The following ZNF257 variants were observed in gnomAD, a reference collection of about 807,000 sequenced individuals.
ZNF257 encodes the protein zinc finger protein 257, also known as bone marrow zinc finger 4.
ZNF257 carries 12 observed loss-of-function variants against 11.9 expected under a neutral mutation model. The observed-to-expected ratio is 1.01, with a 90% CI of 0.65 to 1.63. The LOEUF is 1.63. Among genes scored for constraint, ZNF257 ranks in the 40% most tolerant of loss-of-function variants. The probability of loss-of-function intolerance (pLI) is 0.00; values close to 1 mark genes in which losing one functional copy is unlikely to be tolerated. For missense variants in ZNF257, 580 were observed against 665.5 expected (o/e 0.87, Z 1.41); for synonymous variants, 183 against 222.7 (o/e 0.82, Z 1.59).
At chr19:22,056,042 G>A (rs1320399341) in intron 1 of ZNF257, among the ~76,000 whole-genome samples, 2 of 83,142 alleles carry the variant, frequency 2.4e-5, no homozygotes, top group Non-Finnish European at 4.2e-5. Context: ...GCGACAGAGC[G>A]AGACTCCGTC....
At position 22,065,053 on chromosome 19, in the gene ZNF257, C is replaced by CAA. The variant is rs370857838; in HGVS notation, c.4-7743_4-7742dup. Among the ~76,000 whole-genome samples, 737 of 113,760 alleles carry CAA rather than the reference C, an allele frequency of 6.5e-3. 2 individuals carry two copies. Among genetic ancestry groups the CAA allele is most frequent in the African/African-American group, 0.019 (674 of 34,588 alleles). The allele number at this position is 113,760 out of a possible 152,430, so 74.6% of individuals were successfully genotyped here. A position where few individuals can be genotyped will look rare whatever the true frequency, so the allele number is the denominator to read the frequency against. On this transcript the variant is annotated intron_variant, in intron 1 of 3. Coordinates refer to ENST00000594947, the MANE Select transcript of ZNF257 (RefSeq NM_033468.4). ...TGGGCGAAAGAACGAGACTCCGCCTCAAAAAAAAAAAAAAGTATTTTCTAC... is the reference window on the plus strand; with the variant it reads ...TGGGCGAAAGAACGAGACTCCGCCTCAAAAAAAAAAAAAAAAGTATTTTCTAC...
chr19:22,068,360 G>A (rs542593029), intron 1 of ZNF257, among the ~76,000 whole-genome samples: 1 of 152,116 alleles, frequency 6.6e-6, no homozygotes, highest in South Asian at 2.1e-4. Context: ...CAGCCTCTAG[G>A]AGAACATCTC....
rs201240104 is a variant in ZNF257, at chr19:22,055,479, T to TA, written c.3+2845dup. Among the ~76,000 whole-genome samples, 382 of 152,200 alleles carry TA rather than the reference T, an allele frequency of 2.5e-3. 1 individual carries two copies. The highest frequency in any genetic ancestry group is 8.9e-3 in the African/African-American group (369 of 41,532). ...CCTCGGACTCCCAAAGTGCTGGAATTACAGGCGTGAGCCACCGTGCCTGGC... is the reference window on the plus strand; with the variant it reads ...CCTCGGACTCCCAAAGTGCTGGAATTAACAGGCGTGAGCCACCGTGCCTGGC... On this transcript the variant is annotated intron_variant, in intron 1 of 3. Transcript: ENST00000594947.
intron 1 of ZNF257, among the ~76,000 whole-genome samples, chr19:22,054,914 C>CTT (rs58547883): frequency 5.9e-4 from 65 of 110,596 alleles, no homozygotes; most frequent in African/African-American, 1.1e-3. Flanking sequence ...GCTACTGGGT[C>CTT]TTTTTTTTTT....
chr19:22,062,297 T>C lies in ZNF257; in HGVS notation c.3+9662T>C, dbSNP rs560689332. On this transcript the variant is annotated intron_variant, in intron 1 of 3. Coordinates refer to ENST00000594947, the MANE Select transcript of ZNF257 (RefSeq NM_033468.4). ...CTGGAGTGCAGTGGCGAATTTTTTTTGTATTTTTCGTAGAGACGGGGTTTC... is the reference window on the plus strand; with the variant it reads ...CTGGAGTGCAGTGGCGAATTTTTTTCGTATTTTTCGTAGAGACGGGGTTTC... 2.6e-5 allele frequency among the ~76,000 whole-genome samples: 4 copies of C among 151,314 alleles called. No individual in the cohort carries two copies. In the East Asian group the frequency reaches 7.8e-4, roughly 29 times the overall value.
chr19:22,078,081 A>T lies in ZNF257; in HGVS notation c.226+4517A>T, dbSNP rs537708448. Among the ~76,000 whole-genome samples, 774 of 151,538 alleles carry T rather than the reference A, an allele frequency of 5.1e-3. 16 individuals are homozygous for T. The highest frequency in any genetic ancestry group is 0.017 in the African/African-American group (708 of 41,300). ...GGTGAAACCCCGTCTCTACTAAAAA[A>T]AAAAAAATTAGCTGGGCGTGGTGGC... is the stretch of plus-strand genomic sequence containing the variant. On this transcript the variant is annotated intron_variant, in intron 3 of 3. Transcript: ENST00000594947.
chr19:22,072,591 C>T (rs1405397331), intron 1 of ZNF257, among the ~76,000 whole-genome samples: 1 of 152,082 alleles, frequency 6.6e-6, no homozygotes, highest in Non-Finnish European at 1.5e-5. Flanking sequence ...TCTGCCCTGG[C>T]TGCTTGGTAA....
intron 3 of ZNF257, 125 bp from the exon 4 acceptor site, chr19:22,087,852 G>C: frequency 1.1e-6 from 1 of 893,048 alleles, no homozygotes; most frequent in Non-Finnish European, 1.5e-6. Flanking sequence ...GAATAAATTA[G>C]AGCCTGTGGT....
chr19:22,087,934 G>T (rs2022512186), intron 3 of ZNF257, 43 bp from the exon 4 acceptor site: 1 of 1,439,892 alleles, frequency 6.9e-7, no homozygotes, highest in African/African-American at 1.4e-5. Context: ...ATATTTACCT[G>T]AGTCTAGTAA....
Position 22,073,569 on chromosome 19 carries a change from G to A in ZNF257, c.226+5G>A. 1 of 1,609,466 alleles carries A rather than the reference G, an allele frequency of 6.2e-7. No individual in the cohort carries two copies. The highest frequency in any genetic ancestry group is 8.5e-7 in the Non-Finnish European group (1 of 1,177,996). ...AGATGGTAGCCAAACCCCCAGGTAG[G>A]TGAGAGTGAAAGCCAGTACAACAGG... On this transcript the variant is annotated splice_donor_5th_base_variant and intron_variant, in intron 3 of 3. Coordinates refer to ENST00000594947, the MANE Select transcript of ZNF257 (RefSeq NM_033468.4).
intron 1 of ZNF257, among the ~76,000 whole-genome samples, chr19:22,055,511 AC>A (rs558780527): frequency 1.8e-4 from 28 of 152,202 alleles, no homozygotes; most frequent in Non-Finnish European, 3.7e-4. Context: ...TGGCCAAAAA[AC>A]AGTATTTCAA....
At chr19:22,078,668 C>T (rs10426142) in intron 3 of ZNF257, among the ~76,000 whole-genome samples, 8,361 of 151,690 alleles carry the variant, frequency 0.055, 817 homozygotes, top group African/African-American at 0.19. Context: ...TGTTTTTCTT[C>T]TATATTTCTA....
chr19:22,068,211 A>C (rs1278659337), intron 1 of ZNF257, among the ~76,000 whole-genome samples: 1 of 150,684 alleles, frequency 6.6e-6, no homozygotes, highest in Admixed American at 6.6e-5. Context: ...CTGATTATCA[A>C]AGTGTAGATT....
chr19:22,063,532 G>A (rs1028736652), intron 1 of ZNF257, among the ~76,000 whole-genome samples: 1 of 152,154 alleles, frequency 6.6e-6, no homozygotes, highest in Non-Finnish European at 1.5e-5. Context: ...TAGCTGTGTT[G>A]CAGCAATTCT....
intron 1 of ZNF257, among the ~76,000 whole-genome samples, chr19:22,057,778 G>A (rs2021683350): frequency 6.6e-6 from 1 of 152,300 alleles, no homozygotes; most frequent in South Asian, 2.1e-4. Flanking sequence ...GAGATCTTTT[G>A]AGATGGAGTC....
intron 3 of ZNF257, among the ~76,000 whole-genome samples, chr19:22,076,344 TCTTG>T (rs2022222981): frequency 1.3e-5 from 2 of 151,336 alleles, no homozygotes; most frequent in East Asian, 1.9e-4. Flanking sequence ...TAAGGCTATT[TCTTG>T]CTTCTAAAGT....
In ZNF257 at chr19:22,073,490, A is replaced by G; in HGVS notation, c.152A>G (p.Asp51Gly). Residue 51 changes from aspartate to glycine, a missense_variant, in exon 3 of 4, where the codon GAC becomes GGC. Coordinates refer to ENST00000594947, the MANE Select transcript of ZNF257 (RefSeq NM_033468.4). ...VFLGIAVSKP[D>G]LITCLEQGKE... Reference sequence around the variant, plus strand: ...ACAGGTATTGCTGTCTCTAAGCCAGACCTGATCACCTGTCTGGAGCAAGGA... The same window carrying G: ...ACAGGTATTGCTGTCTCTAAGCCAGGCCTGATCACCTGTCTGGAGCAAGGA... The G allele has an allele frequency of 6.2e-7, 1 of 1,611,598 alleles. No individual in the cohort carries two copies. Among genetic ancestry groups the G allele is most frequent in the Admixed American group, 1.7e-5 (1 of 59,556 alleles).
intron 1 of ZNF257, among the ~76,000 whole-genome samples, chr19:22,072,106 C>G (rs1454199868): frequency 1.3e-5 from 2 of 152,124 alleles, no homozygotes; most frequent in Non-Finnish European, 2.9e-5. Context: ...GAAAATGTCA[C>G]AGTGGTGATG....
At chr19:22,062,113 T>A (rs1413758056) in intron 1 of ZNF257, among the ~76,000 whole-genome samples, 1 of 149,632 alleles carries the variant, frequency 6.7e-6, no homozygotes, top group Non-Finnish European at 1.5e-5. Flanking sequence ...CAGGCTAGAG[T>A]GCAGTGGCAT....
Sources: allele counts gnomAD v4.1 joint callset (sites outside exome capture counted in the v4.1 genomes callset), GRCh38; gene constraint gnomAD v4.1.1; transcripts MANE v1.5; gene names NCBI Gene and HGNC (gene_info 2026-07-23, HGNC 2026-07-21).